Variants in ZNF146 observed in about 807,000 individuals in gnomAD.
ZNF146 encodes the protein zinc finger protein 146, also known as zinc finger protein OZF.
In ZNF146, 9 loss-of-function variants were observed where a neutral mutation model predicts 22.2. The ratio of observed to expected loss-of-function variants is 0.41; its 90% CI spans 0.24 to 0.71. The LOEUF (loss-of-function observed/expected upper bound fraction) is 0.71, where lower values mean the gene tolerates loss of function less well. Ranked by LOEUF, ZNF146 falls within the 30% of genes least tolerant of loss-of-function variation. ZNF146 has a pLI of 0.34. For missense variants in ZNF146, 194 were observed against 344.8 expected (o/e 0.56, Z 3.46); for synonymous variants, 108 against 119.2 (o/e 0.91, Z 0.61).
chr19:36,237,620 G>A lies in ZNF146; in HGVS notation c.*301G>A. On this transcript the variant is annotated 3_prime_UTR_variant, in exon 4 of 4. Transcript: ENST00000443387. ...TTATTGCTACCACCATAGATCTGGAGATCTTCGCCAGTAACAAGAAAAATT... is the reference window on the plus strand; with the variant it reads ...TTATTGCTACCACCATAGATCTGGAAATCTTCGCCAGTAACAAGAAAAATT... 4.1e-6 allele frequency: 1 copy of A among 243,724 alleles called. No homozygotes were observed. The allele number at this position is 243,724 out of a possible 1,614,324, so 15.1% of individuals were successfully genotyped here. A position where few individuals can be genotyped will look rare whatever the true frequency, so the allele number is the denominator to read the frequency against.
At chr19:36,216,629 G>T (rs1258152060) in intron 1 of ZNF146, among the ~76,000 whole-genome samples, 1 of 151,874 alleles carries the variant, frequency 6.6e-6, no homozygotes. Flanking sequence ...CTGCACTCCA[G>T]CCTGGACAAG....
chr19:36,228,158 CAA>C (rs71171422), intron 2 of ZNF146, among the ~76,000 whole-genome samples: 209 of 106,592 alleles, frequency 2.0e-3, no homozygotes, highest in East Asian at 4.0e-3. Context: ...GAAACTGTCT[CAA>C]AAAAAAAAAA....
rs576184561 is a variant in ZNF146, at chr19:36,236,575, A to G, written c.135A>G (p.Glu45=). 1.9e-6 allele frequency: 3 copies of G among 1,614,246 alleles called. No individual in the cohort carries two copies. Among genetic ancestry groups the G allele is most frequent in the Admixed American group, 3.3e-5 (2 of 60,032 alleles). The stretch of plus-strand genomic sequence containing the variant: ...TTCACACGAGAGAGAAACCTTTTGA[A>G]TGTAACGAGTGTGGAAAAGCCTTTA... ...EHFHTREKPF[E]CNECGKAFSQ... is the part of the protein sequence containing the mutation. Residue 45 remains glutamate, a synonymous_variant, in exon 4 of 4, where the codon GAA becomes GAG. Transcript: ENST00000443387.
Position 36,234,779 on chromosome 19 carries a change from G to A in ZNF146, c.-782-880G>A, listed in dbSNP as rs534085777. ...GGGTTTAATCTCTGATTTCCGTATA[G>A]CAGCTCATTCCTGTCATCTCATTTG... On this transcript the variant is annotated intron_variant, in intron 3 of 3. Coordinates refer to ENST00000443387, the MANE Select transcript of ZNF146 (RefSeq NM_007145.3). 3.3e-5 allele frequency among the ~76,000 whole-genome samples: 5 copies of A among 152,306 alleles called. No homozygotes were observed. The South Asian group carries it at 1.0e-3, about 32-fold the overall frequency.
chr19:36,221,587 C>A (rs1227991971), intron 2 of ZNF146, among the ~76,000 whole-genome samples: 1 of 152,072 alleles, frequency 6.6e-6, no homozygotes, highest in African/African-American at 2.4e-5. Context: ...CGTGCCTGGC[C>A]AAGGCACTAC....
Position 36,237,957 on chromosome 19 carries a change from G to C in ZNF146, c.*638G>C, listed in dbSNP as rs1461766716. 1 of 167,002 alleles carries C rather than the reference G, an allele frequency of 6.0e-6. No homozygotes were observed. The highest frequency in any genetic ancestry group is 1.5e-5 in the Non-Finnish European group (1 of 68,124). 10.3% of individuals were successfully genotyped at this position (167,002 alleles called of 1,614,324 possible). A position where few individuals can be genotyped will look rare whatever the true frequency, so the allele number is the denominator to read the frequency against. ...TGTACTAAAATGCATATGACCTTGG[G>C]AATAGGGAAACATTCCTTGGAACAA... is the stretch of plus-strand genomic sequence containing the variant. On this transcript the variant is annotated 3_prime_UTR_variant, in exon 4 of 4. Coordinates refer to ENST00000443387, the MANE Select transcript of ZNF146 (RefSeq NM_007145.3).
intron 2 of ZNF146, among the ~76,000 whole-genome samples, chr19:36,227,096 A>T (rs1319768415): frequency 2.9e-4 from 43 of 148,682 alleles, no homozygotes; most frequent in East Asian, 2.6e-3. Context: ...AAAAAAAAAA[A>T]TTTTTTTTTT....
chr19:36,221,270 A>C (rs1221006956), intron 2 of ZNF146, among the ~76,000 whole-genome samples: 1 of 145,848 alleles, frequency 6.9e-6, no homozygotes, highest in African/African-American at 2.5e-5. Flanking sequence ...TGTTGTTTTC[A>C]GGTTAAGGGA....
At position 36,219,738 on chromosome 19, in the gene ZNF146, T is replaced by C. The variant is rs373451264; in HGVS notation, c.-855+1543T>C. ...CTGGATGAGTAAATTTCTACAGGTATTGTAAAGTGATGATTTTCTGTTTTT... is the reference window on the plus strand; with the variant it reads ...CTGGATGAGTAAATTTCTACAGGTACTGTAAAGTGATGATTTTCTGTTTTT... On this transcript the variant is annotated intron_variant, in intron 2 of 3. Coordinates refer to ENST00000443387, the MANE Select transcript of ZNF146 (RefSeq NM_007145.3). Among the ~76,000 whole-genome samples, 10 of 152,342 alleles carry C rather than the reference T, an allele frequency of 6.6e-5. No homozygotes were observed. The East Asian group carries it at 1.7e-3, about 26-fold the overall frequency.
intron 3 of ZNF146, among the ~76,000 whole-genome samples, chr19:36,232,265 T>G (rs1335815510): frequency 3.3e-5 from 5 of 152,052 alleles, no homozygotes; most frequent in Non-Finnish European, 7.4e-5. Flanking sequence ...CTTTATAAAA[T>G]TTTTGAATCT....
chr19:36,223,252 A>T (rs1976929683), intron 2 of ZNF146, among the ~76,000 whole-genome samples: 1 of 151,834 alleles, frequency 6.6e-6, no homozygotes, highest in Admixed American at 6.6e-5. Flanking sequence ...CCCCGTCTCT[A>T]CTAAAAATAC....
intron 2 of ZNF146, among the ~76,000 whole-genome samples, chr19:36,222,628 G>T (rs752293693): frequency 1.3e-5 from 2 of 150,798 alleles, no homozygotes; most frequent in Non-Finnish European, 2.9e-5. Context: ...TTATGAATGA[G>T]AATTTTTTTT....
chr19:36,234,165 T>A (rs1311412825), intron 3 of ZNF146, among the ~76,000 whole-genome samples: 1 of 152,174 alleles, frequency 6.6e-6, no homozygotes, highest in Non-Finnish European at 1.5e-5. Context: ...AACGCTGAGT[T>A]GACACAGCAC....
chr19:36,224,062 C>T (rs1423755968), intron 2 of ZNF146, among the ~76,000 whole-genome samples: 1 of 152,102 alleles, frequency 6.6e-6, no homozygotes, highest in African/African-American at 2.4e-5. Context: ...CAATTGGCTA[C>T]CACGTTCTTT....
At position 36,236,026 on chromosome 19, in the gene ZNF146, G is replaced by C. The variant is rs1168972043; in HGVS notation, c.-415G>C. 5 of 175,394 alleles carry C rather than the reference G, an allele frequency of 2.9e-5. No individual in the cohort carries two copies. Among genetic ancestry groups the C allele is most frequent in the African/African-American group, 9.6e-5 (4 of 41,668 alleles). 10.9% of individuals were successfully genotyped at this position (175,394 alleles called of 1,614,324 possible). A position where few individuals can be genotyped will look rare whatever the true frequency, so the allele number is the denominator to read the frequency against. ...GTTACCAGAGTGTTCATACTGGAGA[G>C]AAACCCTATGAATTTACTGAATGTG... is the stretch of plus-strand genomic sequence containing the variant. On this transcript the variant is annotated 5_prime_UTR_variant, in exon 4 of 4. Coordinates refer to ENST00000443387, the MANE Select transcript of ZNF146 (RefSeq NM_007145.3).
At chr19:36,223,425 C>T (rs904452733) in intron 2 of ZNF146, among the ~76,000 whole-genome samples, 12 of 151,488 alleles carry the variant, frequency 7.9e-5, no homozygotes, top group Middle Eastern at 3.5e-3. Context: ...TGCAGTGGTG[C>T]GATTTCGGCT....
rs780646793 is a variant in ZNF146 at position 36,237,356 on chromosome 19, A to T, written c.*37A>T. On this transcript the variant is annotated 3_prime_UTR_variant, in exon 4 of 4. Coordinates refer to ENST00000443387, the MANE Select transcript of ZNF146 (RefSeq NM_007145.3). The stretch of plus-strand genomic sequence containing the variant: ...AAGCCTTGAAAGTGGGAAAGCTTTC[A>T]TTAGAAATTTGCACCTCATCATGCC... The T allele has an allele frequency of 1.3e-6, 2 of 1,551,744 alleles. No homozygotes were observed. The highest frequency in any genetic ancestry group is 4.1e-5 in the Admixed American group (2 of 49,364).
chr19:36,219,219 C>T (rs961101231), intron 2 of ZNF146, among the ~76,000 whole-genome samples: 2 of 152,172 alleles, frequency 1.3e-5, no homozygotes, highest in South Asian at 2.1e-4. Context: ...TGCACTGGTG[C>T]GATCACATCT....
chr19:36,220,399 C>G (rs1364325607), intron 2 of ZNF146, among the ~76,000 whole-genome samples: 1 of 150,810 alleles, frequency 6.6e-6, no homozygotes, highest in African/African-American at 2.4e-5. Flanking sequence ...GAGTCTTGCT[C>G]TGTCGCCCAG....
Sources: gnomAD v4.1 joint callset for allele counts (sites outside exome capture counted in the v4.1 genomes callset) on GRCh38, gnomAD v4.1.1 for gene constraint, MANE v1.5 for transcripts, NCBI Gene and HGNC (gene_info 2026-07-23, HGNC 2026-07-21) for gene names.